CEP128: variants seen among roughly 807,000 people sequenced by gnomAD.
CEP128 encodes centrosomal protein 128.
A neutral mutation model predicts 156.7 loss-of-function variants in CEP128; 132 were observed. That is an observed-to-expected ratio of 0.84 (90% CI 0.73 to 0.97). CEP128 has a LOEUF of 0.97. CEP128 is among the 50% of genes least tolerant of loss of function. The pLI, the probability that CEP128 is intolerant of heterozygous loss-of-function variation, is 0.00. For synonymous variants in CEP128, 469 were observed against 448.9 expected (o/e 1.04, Z -0.57); for missense variants, 1,252 against 1,281.9 (o/e 0.98, Z 0.36).
chr14:80,846,793 A>C (rs1045765379), intron 9 of CEP128, among the ~76,000 whole-genome samples: 3 of 152,212 alleles, frequency 2.0e-5, no homozygotes, highest in African/African-American at 4.8e-5. Flanking sequence ...ACATTTATAC[A>C]TCATCTTGTA....
chr14:80,831,059 CAT>C (rs1167865540), intron 13 of CEP128, 82 bp downstream of exon 13: 1 of 1,189,082 alleles, frequency 8.4e-7, no homozygotes, highest in Non-Finnish European at 1.3e-6. Flanking sequence ...TAAAATAACA[CAT>C]CTTTATATTA....
At chr14:80,656,330 TATATATA>T in intron 19 of CEP128, among the ~76,000 whole-genome samples, 1 of 17,776 alleles carries the variant, frequency 5.6e-5, no homozygotes, top group East Asian at 9.8e-4. Flanking sequence ...TATATATATA[TATATATA>T]TATAGCAATA....
intron 2 of CEP128, among the ~76,000 whole-genome samples, chr14:80,933,265 T>C (rs1293116006): frequency 1.3e-5 from 2 of 152,132 alleles, no homozygotes; most frequent in Non-Finnish European, 2.9e-5. Context: ...CAACTGTGGA[T>C]CAGCTATGGC....
At position 80,667,097 on chromosome 14, in the gene CEP128, G is replaced by A. The variant is rs112848221; in HGVS notation, c.2806+75978C>T. On this transcript the variant is annotated intron_variant, in intron 19 of 24. Transcript: ENST00000555265. The stretch of plus-strand genomic sequence containing the variant: ...GACCTGCTTGGTTCCAGATTCTGAC[G>A]CAGTGGACAGGGCTTTCAGCTCCCA... 2.3e-3 allele frequency among the ~76,000 whole-genome samples: 350 copies of A among 152,272 alleles called. 2 individuals are homozygous for A. The highest frequency in any genetic ancestry group is 7.9e-3 in the African/African-American group (327 of 41,558).
At chr14:80,926,233 G>C (rs896489146) in intron 2 of CEP128, among the ~76,000 whole-genome samples, 5 of 152,170 alleles carry the variant, frequency 3.3e-5, no homozygotes, top group East Asian at 3.9e-4. Context: ...CCTAAAAGCT[G>C]GTTTCTGTGT....
At chr14:80,884,623 G>A (rs539978304) in intron 8 of CEP128, among the ~76,000 whole-genome samples, 17 of 152,252 alleles carry the variant, frequency 1.1e-4, no homozygotes, top group African/African-American at 2.9e-4. Flanking sequence ...TGTGCTATCC[G>A]GCCCAGACAC....
intron 19 of CEP128, among the ~76,000 whole-genome samples, chr14:80,600,237 A>G (rs1433918818): frequency 6.6e-6 from 1 of 152,242 alleles, no homozygotes; most frequent in Non-Finnish European, 1.5e-5. Flanking sequence ...TGAAACGTAA[A>G]AATTCCCAAA....
At chr14:80,509,744 T>C (rs927743044) in intron 23 of CEP128, among the ~76,000 whole-genome samples, 2 of 152,208 alleles carry the variant, frequency 1.3e-5, no homozygotes, top group South Asian at 2.1e-4. Context: ...TTTCTTATAG[T>C]AGTTTCATAA....
At chr14:80,836,488 C>A in intron 11 of CEP128, 151 bp from the exon 12 acceptor site, 1 of 762,832 alleles carries the variant, frequency 1.3e-6, no homozygotes, top group Admixed American at 2.7e-5. Flanking sequence ...TTCCTCTCAT[C>A]TCTTCCACAA....
intron 19 of CEP128, among the ~76,000 whole-genome samples, chr14:80,724,230 T>C (rs1159454761): frequency 6.6e-6 from 1 of 152,234 alleles, no homozygotes; most frequent in Non-Finnish European, 1.5e-5. Context: ...ATCCAAAGTC[T>C]ACTTTAAAAT....
chr14:80,560,545 T>C (rs1259349905), intron 20 of CEP128, among the ~76,000 whole-genome samples: 5 of 152,246 alleles, frequency 3.3e-5, no homozygotes, highest in Non-Finnish European at 7.3e-5. Flanking sequence ...AACTTGACTG[T>C]ATACACGGAT....
intron 19 of CEP128, among the ~76,000 whole-genome samples, chr14:80,593,036 C>T (rs1023973308): frequency 6.6e-6 from 1 of 152,122 alleles, no homozygotes; most frequent in Non-Finnish European, 1.5e-5. Flanking sequence ...AACCCACAGA[C>T]AATATCATAC....
intron 23 of CEP128, among the ~76,000 whole-genome samples, chr14:80,507,130 T>G (rs1319868758): frequency 6.6e-6 from 1 of 151,798 alleles, no homozygotes; most frequent in Admixed American, 6.6e-5. Context: ...GCCAAGCAGA[T>G]GCCGGTATCA....
intron 19 of CEP128, among the ~76,000 whole-genome samples, chr14:80,605,777 A>G (rs1892751972): frequency 6.6e-6 from 1 of 152,074 alleles, no homozygotes; most frequent in Non-Finnish European, 1.5e-5. Flanking sequence ...AGGGCAGTCA[A>G]GCATACTAAA....
At chr14:80,673,784 T>TTC (rs750554310) in intron 19 of CEP128, among the ~76,000 whole-genome samples, 6 of 151,676 alleles carry the variant, frequency 4.0e-5, no homozygotes, top group Admixed American at 1.3e-4. Flanking sequence ...TCTTTTCTCT[T>TTC]TCTCTCTCTC....
chr14:80,758,197 C>A (rs1396983909), intron 17 of CEP128, among the ~76,000 whole-genome samples: 1 of 152,060 alleles, frequency 6.6e-6, no homozygotes, highest in Non-Finnish European at 1.5e-5. Context: ...ATTTGCTTTA[C>A]AGATTTACCT....
intron 19 of CEP128, among the ~76,000 whole-genome samples, chr14:80,677,652 T>C (rs1315012743): frequency 6.6e-6 from 1 of 151,958 alleles, no homozygotes; most frequent in East Asian, 1.9e-4. Flanking sequence ...CTTAAGGAAG[T>C]TGTGAGTTAA....
chr14:80,497,761 T>C (rs1401470634), intron 24 of CEP128, among the ~76,000 whole-genome samples, 179 bp from the exon 25 acceptor site: 3 of 152,050 alleles, frequency 2.0e-5, no homozygotes, highest in African/African-American at 7.2e-5. Context: ...TTTATGACAT[T>C]TAAAAAAAAC....
chr14:80,711,266 T>C (rs143803363), intron 19 of CEP128, among the ~76,000 whole-genome samples: 131 of 151,362 alleles, frequency 8.7e-4, no homozygotes, highest in Admixed American at 2.2e-3. Context: ...CTTTAGAATA[T>C]GGTCTAAAGA....
Sources: allele counts gnomAD v4.1 joint callset (sites outside exome capture counted in the v4.1 genomes callset), GRCh38; gene constraint gnomAD v4.1.1; transcripts MANE v1.5; gene names NCBI Gene and HGNC (gene_info 2026-07-23, HGNC 2026-07-21).